The following NOA1 variants were observed in gnomAD, a reference collection of about 807,000 sequenced individuals.
NOA1 encodes nitric oxide-associated protein 1.
Under a neutral mutation model 58.4 loss-of-function variants are expected in NOA1, and 35 were observed. The observed-to-expected ratio is 0.60, with a 90% CI of 0.46 to 0.79. The LOEUF is 0.79. Among genes scored for constraint, NOA1 ranks in the 30% least tolerant of loss-of-function variants. The probability of loss-of-function intolerance (pLI) is 0.00; values close to 1 mark genes in which losing one functional copy is unlikely to be tolerated. For missense variants in NOA1, 895 were observed against 894.6 expected, an observed-to-expected ratio of 1.00 and a Z score of -0.01; for synonymous variants, 397 against 373.4, an observed-to-expected ratio of 1.06 and a Z score of -0.73.
chr4:56,972,973 T>TA (rs1179006888), intron 3 of NOA1, among the ~76,000 whole-genome samples, 175 bp downstream of exon 3: 5 of 152,344 alleles, frequency 3.3e-5, no homozygotes, highest in African/African-American at 1.2e-4. Flanking sequence ...CTGAGGCTGA[T>TA]ATGACTAGTA....
chr4:56,968,119 C>T (rs373073453), intron 4 of NOA1, among the ~76,000 whole-genome samples: 94 of 151,992 alleles, frequency 6.2e-4, no homozygotes, highest in African/African-American at 2.1e-3. Flanking sequence ...GGTTTCACCA[C>T]GTTGACCAGG....
At chr4:56,974,082 AT>A in intron 1 of NOA1, 60 bp from the exon 2 acceptor site, 5 of 1,070,722 alleles carry the variant, frequency 4.7e-6, no homozygotes, top group Non-Finnish European at 6.6e-6. Context: ...GAAAATGAAC[AT>A]TTTTGAGGAT....
At chr4:56,967,196 A>G (rs1019463032) in intron 4 of NOA1, among the ~76,000 whole-genome samples, 2 of 152,116 alleles carry the variant, frequency 1.3e-5, no homozygotes, top group South Asian at 4.2e-4. Context: ...CCTGGGAAAC[A>G]TGGCAAAACC....
intron 4 of NOA1, among the ~76,000 whole-genome samples, chr4:56,967,892 A>G (rs185364166): frequency 1.3e-5 from 2 of 150,254 alleles, no homozygotes; most frequent in East Asian, 3.9e-4. Context: ...TGGGGGGATG[A>G]GGGAGTAGGG....
At chr4:56,965,063 G>A (rs1199143653) in intron 5 of NOA1, among the ~76,000 whole-genome samples, 3 of 151,716 alleles carry the variant, frequency 2.0e-5, no homozygotes, top group African/African-American at 2.4e-5. Flanking sequence ...GTAATGGCAC[G>A]ATATCAGCTC....
At position 56,973,993 on chromosome 4, in the gene NOA1, T is replaced by C. The variant is rs115219766; in HGVS notation, c.1174A>G (p.Ile392Val). 465 of 1,613,678 alleles carry C rather than the reference T, an allele frequency of 2.9e-4. No homozygotes were observed. In the African/African-American group the frequency reaches 5.5e-3, roughly 19 times the overall value. Residue 392 changes from isoleucine to valine, a missense_variant, in exon 2 of 7, where the codon ATT (isoleucine) becomes GTT (valine). Coordinates refer to ENST00000264230, the MANE Select transcript of NOA1 (RefSeq NM_032313.4). ...ATTCTGTAAGGAGTTGGGTTGCAAA[T>C]AGGAAACTTCAGAAGGTTTAATGTA... ...GTTLNLLKFP[I>V]CNPTPYRMFK...
In NOA1 at chr4:56,963,413, T is replaced by TA. The variant is rs758111185; in HGVS notation, c.*36_*37insT. 1.4e-6 allele frequency: 2 copies of TA among 1,470,222 alleles called. No homozygotes were observed. 91.1% of individuals were successfully genotyped at this position (1,470,222 alleles called of 1,614,324 possible). A position where few individuals can be genotyped will look rare whatever the true frequency, so the allele number is the denominator to read the frequency against. The stretch of plus-strand genomic sequence containing the variant: ...ACAAATTCAATGTATTTTGTTGTGT[T>TA]CAATACAGTTAATATCTGGAGTGAA... On this transcript the variant is annotated 3_prime_UTR_variant, in exon 7 of 7. Coordinates refer to ENST00000264230, the MANE Select transcript of NOA1 (RefSeq NM_032313.4).
At chr4:56,967,803 G>C (rs1340186983) in intron 4 of NOA1, among the ~76,000 whole-genome samples, 2 of 152,096 alleles carry the variant, frequency 1.3e-5, no homozygotes, top group Non-Finnish European at 2.9e-5. Flanking sequence ...CATAGAATAG[G>C]GATAGTATCT....
At position 56,977,475 on chromosome 4, in the gene NOA1, A is replaced by G. The variant is rs771213416; in HGVS notation, c.111T>C (p.Ala37=). Residue 37 remains alanine, a synonymous_variant, in exon 1 of 7, where the codon GCT becomes GCC. Coordinates refer to ENST00000264230, the MANE Select transcript of NOA1 (RefSeq NM_032313.4). ...ATGAGTGCTGGAAGGAGGAGGCGGCAGCGCACCTCCTCTCCAGGAGCGGCT... is the reference window on the plus strand; with the variant it reads ...ATGAGTGCTGGAAGGAGGAGGCGGCGGCGCACCTCCTCTCCAGGAGCGGCT... ...LREPLLERRC[A]AASSFQHSSS... 64 of 1,613,798 alleles carry G rather than the reference A, an allele frequency of 4.0e-5. No individual in the cohort carries two copies. The highest frequency in any genetic ancestry group is 5.3e-5 in the African/African-American group (4 of 74,952).
intron 4 of NOA1, among the ~76,000 whole-genome samples, 159 bp from the exon 5 acceptor site, chr4:56,966,895 C>T (rs1721721552): frequency 6.6e-6 from 1 of 152,014 alleles, no homozygotes; most frequent in African/African-American, 2.4e-5. Flanking sequence ...CAAATTATTA[C>T]TAAGAACAGG....
intron 1 of NOA1, among the ~76,000 whole-genome samples, chr4:56,974,423 G>A (rs1199327916): frequency 1.3e-5 from 2 of 152,084 alleles, no homozygotes; most frequent in Admixed American, 6.6e-5. Flanking sequence ...AGGCCCAGGC[G>A]GGTGGATCAC....
chr4:56,974,089 A>ATACGGCGACCTCCG, intron 1 of NOA1, 67 bp from the exon 2 acceptor site: 1 of 997,826 alleles, frequency 1.0e-6, no homozygotes, highest in South Asian at 1.8e-5. Flanking sequence ...AACATTTTTG[A>ATACGGCGACCTCCG]GGATCTACAC....
At position 56,970,634 on chromosome 4, in the gene NOA1, G is replaced by A. The variant is rs570884977; in HGVS notation, c.1516-2119C>T. ...TACCACCATGCCCAGCTAATTTTTT[G>A]TATTTTTAGTAGAGATACAGTTTTG... is the stretch of plus-strand genomic sequence containing the variant. On this transcript the variant is annotated intron_variant, in intron 3 of 6. Coordinates refer to ENST00000264230, the MANE Select transcript of NOA1 (RefSeq NM_032313.4). Among the ~76,000 whole-genome samples, 46 of 151,868 alleles carry A rather than the reference G, an allele frequency of 3.0e-4. No individual in the cohort carries two copies. In the South Asian group the frequency reaches 8.3e-3, roughly 27 times the overall value.
intron 3 of NOA1, 112 bp downstream of exon 3, chr4:56,973,032 TTCTC>T (rs1721834120): frequency 1.1e-6 from 1 of 872,370 alleles, no homozygotes; most frequent in South Asian, 1.5e-5. Flanking sequence ...ATTACACTCT[TTCTC>T]TATTGCAATT....
chr4:56,971,578 A>G (rs1394228799), intron 3 of NOA1, among the ~76,000 whole-genome samples: 7 of 152,136 alleles, frequency 4.6e-5, no homozygotes. Flanking sequence ...TAAGAAACCA[A>G]TGTGGTTTTG....
rs771916153 is a variant in NOA1 at position 56,968,400 on chromosome 4, C to T, written c.1631G>A (p.Arg544His). The T allele has an allele frequency of 8.7e-6, 14 of 1,610,234 alleles. No homozygotes were observed. In the East Asian group the frequency reaches 1.3e-4, roughly 15 times the overall value. ...TTTTCTTACCTGCAGGAAATCTATG[C>T]GGCCTATAGCACCCAAAAACAGAAC... ...GMVLFLGAIG[R>H]IDFLQGNQSA... Residue 544 changes from arginine to histidine, a missense_variant, in exon 4 of 7, where the codon CGC (arginine) becomes CAC (histidine). This residue lies in a region of NOA1 where 212 missense variants were observed against 221.3 expected (regional missense o/e 0.96). Transcript: ENST00000264230.
intron 5 of NOA1, among the ~76,000 whole-genome samples, chr4:56,965,835 C>CTTT (rs10638725): frequency 1.7e-5 from 2 of 115,082 alleles, no homozygotes; most frequent in African/African-American, 3.3e-5. Flanking sequence ...TAAATTTTCC[C>CTTT]TTTTTTTTTT....
At chr4:56,969,419 A>G (rs1236210205) in intron 3 of NOA1, among the ~76,000 whole-genome samples, 2 of 152,030 alleles carry the variant, frequency 1.3e-5, no homozygotes, top group Non-Finnish European at 2.9e-5. Flanking sequence ...TTAAAAATAC[A>G]AAATTAGCCG....
At chr4:56,969,685 G>C (rs1019683911) in intron 3 of NOA1, among the ~76,000 whole-genome samples, 1 of 152,172 alleles carries the variant, frequency 6.6e-6, no homozygotes. Flanking sequence ...TGTTTGAAAA[G>C]GCACATTAAA....
Sources: gnomAD v4.1 joint callset for allele counts (sites outside exome capture counted in the v4.1 genomes callset) on GRCh38, gnomAD v4.1.1 for gene constraint, gnomAD v4.1.1 regional missense constraint, MANE v1.5 for transcripts, NCBI Gene and HGNC (gene_info 2026-07-23, HGNC 2026-07-21) for gene names.